Variants in FSTL5 observed in about 807,000 individuals in gnomAD.
FSTL5 encodes the protein follistatin like 5.
In FSTL5, 62 loss-of-function variants were observed where a neutral mutation model predicts 89.1. The ratio of observed to expected loss-of-function variants is 0.70; its 90% CI spans 0.57 to 0.86. FSTL5 has a LOEUF of 0.86. Ranked by LOEUF, FSTL5 falls within the 40% of genes least tolerant of loss-of-function variation. The probability of loss-of-function intolerance (pLI) is 0.00; values close to 1 mark genes in which losing one functional copy is unlikely to be tolerated. For synonymous variants in FSTL5, 383 were observed against 346.2 expected (o/e 1.11, Z -1.18); for missense variants, 1,057 against 1,001.6 (o/e 1.06, Z -0.75).
At chr4:161,650,137 T>C (rs1050976689) in intron 7 of FSTL5, among the ~76,000 whole-genome samples, 2 of 152,140 alleles carry the variant, frequency 1.3e-5, no homozygotes, top group African/African-American at 4.8e-5. Context: ...ACAGTTTAGA[T>C]AGATGGAGAG....
intron 3 of FSTL5, among the ~76,000 whole-genome samples, chr4:162,011,641 C>T (rs771316465): frequency 1.3e-5 from 2 of 152,066 alleles, no homozygotes; most frequent in Non-Finnish European, 2.9e-5. Context: ...TTACAGGCAA[C>T]TGCCACCATG....
intron 1 of FSTL5, among the ~76,000 whole-genome samples, chr4:162,118,356 G>T (rs1174325075): frequency 6.6e-6 from 1 of 152,126 alleles, no homozygotes; most frequent in Admixed American, 6.5e-5. Flanking sequence ...CGCCTTGCGG[G>T]TTCACGCCAT....
chr4:161,677,553 A>G (rs1737350000), intron 6 of FSTL5, among the ~76,000 whole-genome samples: 1 of 151,980 alleles, frequency 6.6e-6, no homozygotes, highest in South Asian at 2.1e-4. Flanking sequence ...GTAGTATTGG[A>G]AAATCACAGC....
intron 3 of FSTL5, among the ~76,000 whole-genome samples, chr4:161,962,724 T>A (rs1162038959): frequency 6.6e-6 from 1 of 151,972 alleles, no homozygotes; most frequent in East Asian, 1.9e-4. Context: ...TTAAGTATAA[T>A]TTTGCCACTG....
At chr4:161,712,551 T>C (rs2126741247) in intron 6 of FSTL5, among the ~76,000 whole-genome samples, 1 of 152,248 alleles carries the variant, frequency 6.6e-6, no homozygotes, top group East Asian at 1.9e-4. Flanking sequence ...GTTGCCTATA[T>C]TGATATTTAA....
chr4:161,569,751 A>G (rs1169129504), intron 8 of FSTL5, among the ~76,000 whole-genome samples: 2 of 40,776 alleles, frequency 4.9e-5, no homozygotes, highest in African/African-American at 1.5e-4. Flanking sequence ...TTTAAGTCCA[A>G]CACACAAACA....
At chr4:161,921,621 T>G (rs1268865698) in intron 3 of FSTL5, among the ~76,000 whole-genome samples, 1 of 152,106 alleles carries the variant, frequency 6.6e-6, no homozygotes, top group African/African-American at 2.4e-5. Flanking sequence ...AAGCATAAGT[T>G]ACAGTAATTT....
At chr4:162,032,424 G>A (rs76702988) in intron 3 of FSTL5, among the ~76,000 whole-genome samples, 14,933 of 152,046 alleles carry the variant, frequency 0.098, 858 homozygotes, top group Non-Finnish European at 0.13. Context: ...TAATAATTTC[G>A]CATATAAAAT....
chr4:161,948,121 T>TA (rs202135428), intron 3 of FSTL5, among the ~76,000 whole-genome samples: 19 of 143,668 alleles, frequency 1.3e-4, no homozygotes, highest in South Asian at 2.2e-4. Context: ...TACAGAAAAT[T>TA]TAAAAAAAAA....
Position 161,583,253 on chromosome 4 carries a change from C to G in FSTL5, c.1015+4202G>C, listed in dbSNP as rs1310926994. Among the ~76,000 whole-genome samples the G allele has an allele frequency of 2.0e-5, 3 of 152,020 alleles. No individual in the cohort carries two copies. In the East Asian group the frequency reaches 5.8e-4, roughly 29 times the overall value. Reference sequence around the variant, plus strand: ...TCTCATGTGTCAGGTGTCATTTTCCCCTTCCTCCCTCTTCCTGTTTCCCTG... The same window carrying G: ...TCTCATGTGTCAGGTGTCATTTTCCGCTTCCTCCCTCTTCCTGTTTCCCTG... On this transcript the variant is annotated intron_variant, in intron 8 of 15. Coordinates refer to ENST00000306100, the MANE Select transcript of FSTL5 (RefSeq NM_020116.5).
intron 15 of FSTL5, among the ~76,000 whole-genome samples, chr4:161,406,000 T>C (rs1731361987): frequency 6.6e-6 from 1 of 152,146 alleles, no homozygotes; most frequent in South Asian, 2.1e-4. Context: ...AGAATTCACA[T>C]TACTAGACTT....
intron 4 of FSTL5, among the ~76,000 whole-genome samples, chr4:161,783,284 T>A (rs140524325): frequency 6.6e-6 from 1 of 152,320 alleles, no homozygotes; most frequent in Admixed American, 6.5e-5. Flanking sequence ...GAAAATATAA[T>A]ACACTTCATA....
intron 3 of FSTL5, among the ~76,000 whole-genome samples, chr4:162,002,749 A>AT (rs144937480): frequency 0.22 from 33,770 of 151,598 alleles, 4,033 homozygotes; most frequent in East Asian, 0.43. Flanking sequence ...ATGTTACTGC[A>AT]TTTTTTAGCT....
rs202109732 is a variant in FSTL5, at chr4:161,715,382, A to G, written c.727+44029T>C. Among the ~76,000 whole-genome samples, 9 of 152,274 alleles carry G rather than the reference A, an allele frequency of 5.9e-5. No individual in the cohort carries two copies. In the East Asian group the frequency reaches 1.5e-3, roughly 26 times the overall value. ...ATAATAGTGGATCGTTCTGTCTTTA[A>G]TAACATACTCTTTTTGGCTTCTTAA... On this transcript the variant is annotated intron_variant, in intron 6 of 15. Coordinates refer to ENST00000306100, the MANE Select transcript of FSTL5 (RefSeq NM_020116.5).
intron 3 of FSTL5, among the ~76,000 whole-genome samples, chr4:161,959,803 T>C (rs551366053): frequency 1.3e-5 from 2 of 152,256 alleles, no homozygotes; most frequent in East Asian, 1.9e-4. Context: ...AGGTGTGCTA[T>C]TGAATTAGCC....
intron 4 of FSTL5, among the ~76,000 whole-genome samples, chr4:161,795,928 CT>C (rs1729620055): frequency 6.6e-6 from 1 of 151,686 alleles, no homozygotes; most frequent in Non-Finnish European, 1.5e-5. Flanking sequence ...TTTTGGGGGT[CT>C]TTTTTGGCTC....
intron 15 of FSTL5, among the ~76,000 whole-genome samples, chr4:161,454,633 T>C (rs898574404): frequency 6.6e-6 from 1 of 152,218 alleles, no homozygotes. Context: ...TCAGTTAACA[T>C]TCTCTCCATT....
In FSTL5 at chr4:162,152,394, C is replaced by T. The variant is rs78916765; in HGVS notation, c.-17+11221G>A. On this transcript the variant is annotated intron_variant, in intron 1 of 15. Transcript: ENST00000306100. The stretch of plus-strand genomic sequence containing the variant: ...TTTCAAGTCTTATTTTCTTTGTAAG[C>T]GCACTAACTCTTGATATTCTGCCAA... Among the ~76,000 whole-genome samples the T allele has an allele frequency of 8.5e-4, 129 of 152,216 alleles. 4 individuals carry two copies. The East Asian group carries it at 0.021, about 25-fold the overall frequency.
intron 3 of FSTL5, among the ~76,000 whole-genome samples, chr4:162,031,824 G>T (rs1680633499): frequency 6.6e-6 from 1 of 152,148 alleles, no homozygotes; most frequent in African/African-American, 2.4e-5. Flanking sequence ...TGTAATCCCA[G>T]CTACTTGGGA....
Sources: allele counts gnomAD v4.1 joint callset (sites outside exome capture counted in the v4.1 genomes callset), GRCh38; gene constraint gnomAD v4.1.1; transcripts MANE v1.5; gene names NCBI Gene and HGNC (gene_info 2026-07-23, HGNC 2026-07-21).